Variants in RFX2 observed in about 807,000 individuals in gnomAD.
RFX2 encodes regulatory factor X2, also known as DNA-binding protein RFX2.
A neutral mutation model predicts 87.8 loss-of-function variants in RFX2; 20 were observed. That is an observed-to-expected ratio of 0.23 (90% CI 0.16 to 0.33). The LOEUF is 0.33. Among genes scored for constraint, RFX2 ranks in the 10% least tolerant of loss-of-function variants. The pLI is 1.00. For synonymous variants in RFX2, 397 were observed against 431.3 expected (o/e 0.92, Z 0.98); for missense variants, 767 against 1,012.3 (o/e 0.76, Z 3.29).
intron 2 of RFX2, among the ~76,000 whole-genome samples, chr19:6,046,750 C>T (rs2087197320): frequency 6.6e-6 from 1 of 151,274 alleles, no homozygotes; most frequent in South Asian, 2.1e-4. Flanking sequence ...ACGTGCACCA[C>T]TATGCCTGGC....
Position 6,004,288 on chromosome 19 carries a change from T to G in RFX2, c.1413A>C (p.Thr471=), listed in dbSNP as rs148351969. Residue 471 remains threonine (T), a synonymous_variant, in exon 13 of 18, where the codon ACA becomes ACC. Coordinates refer to ENST00000303657, the MANE Select transcript of RFX2 (RefSeq NM_000635.4). The surrounding 1 kb of genome is among the most constrained non-coding windows in gnomAD (Gnocchi z 4.8). ...TCTTGGCAAAGTTACGGATGGCCTGTGTCAAGGTACCTGGGGGATACAGAC... is the reference window on the plus strand; with the variant it reads ...TCTTGGCAAAGTTACGGATGGCCTGGGTCAAGGTACCTGGGGGATACAGAC... The part of the protein sequence containing the change: ...DVLRPVPSTL[T]QAIRNFAKSL... 646 of 1,613,812 alleles carry G rather than the reference T, an allele frequency of 4.0e-4. 7 individuals carry two copies. The East Asian group carries it at 0.014, about 35-fold the overall frequency.
At position 6,015,204 on chromosome 19, in the gene RFX2, G is replaced by A. The variant is rs141282167; in HGVS notation, c.779+886C>T. 1.8e-3 allele frequency among the ~76,000 whole-genome samples: 276 copies of A among 152,180 alleles called. 2 individuals are homozygous for A. The highest frequency in any genetic ancestry group is 6.5e-3 in the African/African-American group (268 of 41,520). ...GAACTTTGGGAGGCTGAGGCAGGCA[G>A]ATCACTTGAGGCCAAGAGTTTGAGA... On this transcript the variant is annotated intron_variant, in intron 7 of 17. Transcript: ENST00000303657.
At position 6,083,863 on chromosome 19, in the gene RFX2, A is replaced by C. The variant is rs1239522142; in HGVS notation, c.-9+26530T>G. Among the ~76,000 whole-genome samples, 1 of 152,120 alleles carries C rather than the reference A, an allele frequency of 6.6e-6. No individual in the cohort carries two copies. Among genetic ancestry groups the C allele is most frequent in the Non-Finnish European group, 1.5e-5 (1 of 68,022 alleles). On this transcript the variant is annotated intron_variant, in intron 1 of 17. Transcript: ENST00000303657. The surrounding 1 kb of genome is among the most constrained non-coding windows in gnomAD (Gnocchi z 4.6). ...AGGCAGCGGAAAATGCCTGCTAGCG[A>C]GTAGGCACTCAAACGTGTCTGAATA...
intron 9 of RFX2, 86 bp from the exon 10 acceptor site, chr19:6,008,310 A>G (rs2086614409): frequency 1.4e-6 from 1 of 710,590 alleles, no homozygotes; most frequent in Non-Finnish European, 2.3e-6. Context: ...ATGGGGGCCC[A>G]GAAACAGATG....
At chr19:6,035,952 A>G (rs1297769717) in intron 5 of RFX2, among the ~76,000 whole-genome samples, 1 of 152,088 alleles carries the variant, frequency 6.6e-6, no homozygotes, top group Non-Finnish European at 1.5e-5. Context: ...AGAGCAACCC[A>G]CATAACAAAC....
Position 6,047,351 on chromosome 19 carries a change from A to G in RFX2, c.90+56T>C, listed in dbSNP as rs2087205072. 7.2e-7 allele frequency: 1 copy of G among 1,397,758 alleles called. No individual in the cohort carries two copies. Among genetic ancestry groups the G allele is most frequent in the Non-Finnish European group, 9.9e-7 (1 of 1,013,702 alleles). The allele number at this position is 1,397,758 out of a possible 1,614,324, so 86.6% of individuals were successfully genotyped here. On this transcript the variant is annotated intron_variant, in intron 2 of 17. Transcript: ENST00000303657. This position sits in a 1 kb window ranked among gnomAD's most constrained non-coding sequence, Gnocchi z 4.2. ...GCAGATCTGAGCAGCTTTCAAACCC[A>G]TAGAGATCGCGTCCACACTGTGGCC... is the stretch of plus-strand genomic sequence containing the variant.
intron 5 of RFX2, among the ~76,000 whole-genome samples, chr19:6,035,944 A>C (rs2087017744): frequency 6.6e-6 from 1 of 151,878 alleles, no homozygotes; most frequent in Admixed American, 6.6e-5. Context: ...GTTCTTCCAG[A>C]GCAACCCACA....
rs1212884492 is a variant in RFX2 at position 6,027,514 on chromosome 19, C to T, written c.523-1277G>A. Among the ~76,000 whole-genome samples the T allele has an allele frequency of 2.0e-5, 3 of 152,190 alleles. No homozygotes were observed. Among genetic ancestry groups the T allele is most frequent in the South Asian group, 2.1e-4 (1 of 4,834 alleles). On this transcript the variant is annotated intron_variant, in intron 5 of 17. Transcript: ENST00000303657. The surrounding 1 kb of genome is among the most constrained non-coding windows in gnomAD (Gnocchi z 5.0). The stretch of plus-strand genomic sequence containing the variant: ...TTCTGATCTGCAGCTTGGGCAGCCA[C>T]GTGAGTACTGCCCTGTGGCACCTTC...
rs2086682731 is a variant in RFX2, at chr19:6,013,214, C to G, written c.780-109G>C. Reference sequence around the variant, plus strand: ...TTCTTTTTTTTTTTTGAGACAGAATCTCATTCTGTCGCCCAGGCTGGAGTA... The same window carrying G: ...TTCTTTTTTTTTTTTGAGACAGAATGTCATTCTGTCGCCCAGGCTGGAGTA... On this transcript the variant is annotated intron_variant, in intron 7 of 17. Transcript: ENST00000303657. The surrounding 1 kb of genome is among the most constrained non-coding windows in gnomAD (Gnocchi z 4.1). 5 of 1,152,834 alleles carry G rather than the reference C, an allele frequency of 4.3e-6. No homozygotes were observed. In the Admixed American group the frequency reaches 8.3e-5, roughly 19 times the overall value. 71.4% of individuals were successfully genotyped at this position (1,152,834 alleles called of 1,614,324 possible). A position where few individuals can be genotyped will look rare whatever the true frequency, so the allele number is the denominator to read the frequency against.
chr19:6,107,152 C>T (rs1199384668), intron 1 of RFX2, among the ~76,000 whole-genome samples: 5 of 151,880 alleles, frequency 3.3e-5, no homozygotes, highest in African/African-American at 9.7e-5. Context: ...AAAAATTAGC[C>T]GGGCGTGGTG....
rs955110420 is a variant in RFX2, at chr19:6,101,575, A to T, written c.-9+8818T>A. Among the ~76,000 whole-genome samples the T allele has an allele frequency of 6.6e-5, 10 of 152,262 alleles. No individual in the cohort carries two copies. The highest frequency in any genetic ancestry group is 1.0e-4 in the Non-Finnish European group (7 of 68,044). ...CAGTTTGCATTTTTAAAAAAGTATA[A>T]TTAAGTGCTGTTGCAGCTTTAGGAA... is the stretch of plus-strand genomic sequence containing the variant. On this transcript the variant is annotated intron_variant, in intron 1 of 17. Transcript: ENST00000303657. This position sits in a 1 kb window ranked among gnomAD's most constrained non-coding sequence, Gnocchi z 4.9.
chr19:6,003,002 G>A, intron 13 of RFX2, 132 bp from the exon 14 acceptor site: 1 of 993,668 alleles, frequency 1.0e-6, no homozygotes, highest in South Asian at 1.6e-5. Flanking sequence ...GGGCAGGGAA[G>A]AGGGAACCTC....
intron 10 of RFX2, 57 bp downstream of exon 10, chr19:6,008,049 G>A (rs900961809): frequency 4.4e-5 from 57 of 1,306,056 alleles, no homozygotes; most frequent in African/African-American, 4.1e-4. Flanking sequence ...TGGCCTGAGC[G>A]CTGGCGGTTC....
Position 6,091,448 on chromosome 19 carries a change from CAA to C in RFX2, c.-9+18943_-9+18944del, listed in dbSNP as rs777847524. ...GGGCGACAGAGCAAGACCCTATCTTCAAAAAAAAAAAAAAGGTGAATTGTATG... is the reference window on the plus strand; with the variant it reads ...GGGCGACAGAGCAAGACCCTATCTTCAAAAAAAAAAAAGGTGAATTGTATG... On this transcript the variant is annotated intron_variant, in intron 1 of 17. Coordinates refer to ENST00000303657, the MANE Select transcript of RFX2 (RefSeq NM_000635.4). Among the ~76,000 whole-genome samples, 254 of 108,476 alleles carry C rather than the reference CAA, an allele frequency of 2.3e-3. 1 individual carries two copies. The highest frequency in any genetic ancestry group is 7.3e-3 in the African/African-American group (224 of 30,516). The allele number at this position is 108,476 out of a possible 152,430, so 71.2% of individuals were successfully genotyped here. A position where few individuals can be genotyped will look rare whatever the true frequency, so the allele number is the denominator to read the frequency against.
In RFX2 at chr19:6,047,529, G is replaced by C. The variant is rs200706605; in HGVS notation, c.-8-25C>G. ...TCTAAAGAAAGGCGGAGAGAGATTG[G>C]GTGGGCAAGGGCTGCAAGCACTGAA... On this transcript the variant is annotated intron_variant, in intron 1 of 17. Transcript: ENST00000303657. This position sits in a 1 kb window ranked among gnomAD's most constrained non-coding sequence, Gnocchi z 4.2. 1.3e-6 allele frequency: 2 copies of C among 1,560,468 alleles called. No homozygotes were observed. Among genetic ancestry groups the C allele is most frequent in the Admixed American group, 1.8e-5 (1 of 55,192 alleles).
Position 6,001,796 on chromosome 19 carries a change from G to A in RFX2, c.1859+19C>T. 1 of 1,568,828 alleles carries A rather than the reference G, an allele frequency of 6.4e-7. No individual in the cohort carries two copies. Among genetic ancestry groups the A allele is most frequent in the Non-Finnish European group, 8.7e-7 (1 of 1,154,230 alleles). On this transcript the variant is annotated intron_variant, in intron 15 of 17. Transcript: ENST00000303657. The surrounding 1 kb of genome is among the most constrained non-coding windows in gnomAD (Gnocchi z 5.6). The stretch of plus-strand genomic sequence containing the variant: ...CCCCCCACCCGCCAGAATTCTCTCG[G>A]AGGTCTGGTGGGACTAACCTGTAAA...
intron 1 of RFX2, among the ~76,000 whole-genome samples, chr19:6,082,708 C>T (rs2087802832): frequency 6.6e-6 from 1 of 152,142 alleles, no homozygotes; most frequent in African/African-American, 2.4e-5. Flanking sequence ...GTTGGGATTA[C>T]AGGTGTTAGC....
chr19:6,034,219 C>T (rs1667259447), intron 5 of RFX2, among the ~76,000 whole-genome samples: 1 of 148,928 alleles, frequency 6.7e-6, no homozygotes, highest in Non-Finnish European at 1.5e-5. Context: ...TACAGACACA[C>T]ACTGCTAATT....
At position 6,060,999 on chromosome 19, in the gene RFX2, C is replaced by T. The variant is rs78908632; in HGVS notation, c.-8-13495G>A. Among the ~76,000 whole-genome samples the T allele has an allele frequency of 4.5e-3, 690 of 152,282 alleles. 7 individuals carry two copies. In the East Asian group the frequency reaches 0.071, roughly 16 times the overall value. On this transcript the variant is annotated intron_variant, in intron 1 of 17. Transcript: ENST00000303657. ...ACAAGTCCAAGGGAAACTCTCCCCC[C>T]GCCAAAATTGCTCCTCTTGCGTTTC...
Sources: allele counts gnomAD v4.1 joint callset (sites outside exome capture counted in the v4.1 genomes callset), GRCh38; gene constraint gnomAD v4.1.1; non-coding constraint Gnocchi (gnomAD v3.1); transcripts MANE v1.5; gene names NCBI Gene and HGNC (gene_info 2026-07-23, HGNC 2026-07-21).